GABRG3: variants seen among roughly 807,000 people sequenced by gnomAD.
GABRG3 encodes the protein gamma-aminobutyric acid receptor subunit gamma-3.
A neutral mutation model predicts 48.8 loss-of-function variants in GABRG3; 25 were observed. The ratio of observed to expected loss-of-function variants is 0.51; its 90% CI spans 0.37 to 0.72. The LOEUF is 0.72. Ranked by LOEUF, GABRG3 falls within the 30% of genes least tolerant of loss-of-function variation. The pLI is 0.00. For synonymous variants in GABRG3, 227 were observed against 217.6 expected (o/e 1.04, Z -0.38); for missense variants, 394 against 577.9 (o/e 0.68, Z 3.26).
At chr15:27,309,944 C>G (rs1393085553) in intron 3 of GABRG3, among the ~76,000 whole-genome samples, 1 of 152,142 alleles carries the variant, frequency 6.6e-6, no homozygotes, top group African/African-American at 2.4e-5. Context: ...GATGGATAAA[C>G]AAACGGTGAC....
rs909690693 is a variant in GABRG3 at position 27,386,744 on chromosome 15, A to G, written c.574+57856A>G. On this transcript the variant is annotated intron_variant, in intron 5 of 9. Coordinates refer to ENST00000615808, the MANE Select transcript of GABRG3 (RefSeq NM_033223.5). ...ACTCCGCTGTTTATAACCAGACTCAATGGATTTTCTTGAACAAATCCTTTT... is the reference window on the plus strand; with the variant it reads ...ACTCCGCTGTTTATAACCAGACTCAGTGGATTTTCTTGAACAAATCCTTTT... 6.1e-4 allele frequency among the ~76,000 whole-genome samples: 93 copies of G among 152,160 alleles called. 4 individuals carry two copies. Among genetic ancestry groups the G allele is most frequent in the Non-Finnish European group, 4.4e-5 (3 of 68,016 alleles).
At chr15:27,167,373 A>G (rs941136967) in intron 3 of GABRG3, among the ~76,000 whole-genome samples, 1 of 152,158 alleles carries the variant, frequency 6.6e-6, no homozygotes, top group Non-Finnish European at 1.5e-5. Flanking sequence ...CAGGGTGGAC[A>G]TTGTCATCCC....
At chr15:27,309,888 A>G (rs1275996471) in intron 3 of GABRG3, among the ~76,000 whole-genome samples, 1 of 152,118 alleles carries the variant, frequency 6.6e-6, no homozygotes, top group African/African-American at 2.4e-5. Flanking sequence ...AGCTTTACTA[A>G]TAAGTGCTAA....
In GABRG3 at chr15:26,980,706, G is replaced by T. The variant is rs900894523; in HGVS notation, c.202+3556G>T. Among the ~76,000 whole-genome samples the T allele has an allele frequency of 3.7e-3, 501 of 134,970 alleles. 5 individuals carry two copies. Among genetic ancestry groups the T allele is most frequent in the Admixed American group, 0.013 (170 of 13,558 alleles). The allele number at this position is 134,970 out of a possible 152,430, so 88.5% of individuals were successfully genotyped here. A position where few individuals can be genotyped will look rare whatever the true frequency, so the allele number is the denominator to read the frequency against. On this transcript the variant is annotated intron_variant, in intron 2 of 9. Coordinates refer to ENST00000615808, the MANE Select transcript of GABRG3 (RefSeq NM_033223.5). ...CAAAAAAAAAAAAAAAAAAAAAAAA[G>T]AACTTAGATTCTTTTATTTGAGACT...
At chr15:27,260,869 T>G in intron 3 of GABRG3, among the ~76,000 whole-genome samples, 1 of 151,276 alleles carries the variant, frequency 6.6e-6, no homozygotes, top group Non-Finnish European at 1.5e-5. Flanking sequence ...GGAGCAGGAG[T>G]GAGGCTCTGG....
At chr15:27,293,687 A>C (rs1179861641) in intron 3 of GABRG3, among the ~76,000 whole-genome samples, 1 of 151,162 alleles carries the variant, frequency 6.6e-6, no homozygotes, top group Non-Finnish European at 1.5e-5. Flanking sequence ...CAAAAAAAAC[A>C]AACAAAAAAA....
At chr15:27,160,514 C>A (rs901228014) in intron 3 of GABRG3, among the ~76,000 whole-genome samples, 1 of 151,912 alleles carries the variant, frequency 6.6e-6, no homozygotes, top group African/African-American at 2.4e-5. Flanking sequence ...TATAAGACTT[C>A]TCTGTTTGGT....
At chr15:27,248,803 C>CACAGAGAGAGAG (rs1377080195) in intron 3 of GABRG3, among the ~76,000 whole-genome samples, 1 of 110,176 alleles carries the variant, frequency 9.1e-6, no homozygotes, top group African/African-American at 3.9e-5. Flanking sequence ...CACACACACA[C>CACAGAGAGAGAG]AGAGAGAGAG....
intron 3 of GABRG3, among the ~76,000 whole-genome samples, chr15:27,317,978 G>A (rs1893289146): frequency 6.6e-6 from 1 of 152,110 alleles, no homozygotes; most frequent in Admixed American, 6.5e-5. Flanking sequence ...TGCCATTGTT[G>A]ATAGGATAAA....
chr15:27,244,274 C>G (rs1404601185), intron 3 of GABRG3, among the ~76,000 whole-genome samples: 1 of 152,146 alleles, frequency 6.6e-6, no homozygotes, highest in East Asian at 1.9e-4. Flanking sequence ...TAACCGCCCA[C>G]AGAGTCAGCA....
intron 5 of GABRG3, among the ~76,000 whole-genome samples, chr15:27,431,124 T>G (rs1282601543): frequency 6.6e-6 from 1 of 152,062 alleles, no homozygotes; most frequent in African/African-American, 2.4e-5. Context: ...GCACACTATA[T>G]TTATTAGTGA....
At chr15:27,413,199 CAGG>C (rs1566829630) in intron 5 of GABRG3, among the ~76,000 whole-genome samples, 1 of 152,088 alleles carries the variant, frequency 6.6e-6, no homozygotes, top group Non-Finnish European at 1.5e-5. Flanking sequence ...TGTACAGTTA[CAGG>C]AGATTTTTAT....
At chr15:27,359,339 C>T (rs1894947884) in intron 5 of GABRG3, among the ~76,000 whole-genome samples, 1 of 152,194 alleles carries the variant, frequency 6.6e-6, no homozygotes, top group Non-Finnish European at 1.5e-5. Context: ...GAAATATGTT[C>T]CTTTTATTGC....
At chr15:27,420,742 G>A (rs1433993440) in intron 5 of GABRG3, 2 of 152,332 alleles carry the variant, frequency 1.3e-5, no homozygotes, top group African/African-American at 4.8e-5. Flanking sequence ...GATTATTAAA[G>A]AGGTGCAGGC....
intron 5 of GABRG3, among the ~76,000 whole-genome samples, chr15:27,387,338 A>G (rs557641701): frequency 3.4e-4 from 51 of 152,094 alleles, no homozygotes; most frequent in African/African-American, 1.2e-3. Context: ...ATTTAAATCT[A>G]TTGTTTTAGC....
intron 3 of GABRG3, among the ~76,000 whole-genome samples, chr15:27,317,989 G>A (rs1893289587): frequency 6.6e-6 from 1 of 152,126 alleles, no homozygotes; most frequent in Non-Finnish European, 1.5e-5. Flanking sequence ...ATAGGATAAA[G>A]AACCCATGCC....
intron 3 of GABRG3, among the ~76,000 whole-genome samples, chr15:27,304,899 G>C (rs1892342926): frequency 6.6e-6 from 1 of 151,936 alleles, no homozygotes; most frequent in Non-Finnish European, 1.5e-5. Context: ...ACTGGAACCT[G>C]ACAAGGTGTA....
intron 5 of GABRG3, among the ~76,000 whole-genome samples, chr15:27,459,116 G>A (rs1889374989): frequency 6.6e-6 from 1 of 152,200 alleles, no homozygotes; most frequent in Non-Finnish European, 1.5e-5. Flanking sequence ...AAAGCCGATT[G>A]TTTCCTGCCC....
At position 27,519,969 on chromosome 15, in the gene GABRG3, C is replaced by T. The variant is rs1172213137; in HGVS notation, c.713-3C>T. The T allele has an allele frequency of 6.7e-6, 10 of 1,503,304 alleles. No individual in the cohort carries two copies. The highest frequency in any genetic ancestry group is 8.0e-6 in the Non-Finnish European group (9 of 1,123,894). 93.1% of individuals were successfully genotyped at this position (1,503,304 alleles called of 1,614,324 possible). ...TCTTAATTTTGACAATATTTTATTA[C>T]AGGTGATTATGTTGTCATGACTATA... On this transcript the variant is annotated splice_polypyrimidine_tract_variant and splice_region_variant and intron_variant, in intron 6 of 9. Coordinates refer to ENST00000615808, the MANE Select transcript of GABRG3 (RefSeq NM_033223.5).
Sources: allele counts gnomAD v4.1 joint callset (sites outside exome capture counted in the v4.1 genomes callset), GRCh38; gene constraint gnomAD v4.1.1; transcripts MANE v1.5; gene names NCBI Gene and HGNC (gene_info 2026-07-23, HGNC 2026-07-21).